Variants in PPARGC1A observed in about 807,000 individuals in gnomAD.
PPARGC1A encodes the protein peroxisome proliferator-activated receptor gamma coactivator 1-alpha.
A neutral mutation model predicts 88.7 loss-of-function variants in PPARGC1A; 25 were observed. That is an observed-to-expected ratio of 0.28 (90% CI 0.21 to 0.39). The LOEUF is 0.39. PPARGC1A is among the 10% of genes least tolerant of loss of function. The probability of loss-of-function intolerance (pLI) is 1.00; values close to 1 mark genes in which losing one functional copy is unlikely to be tolerated. For missense variants in PPARGC1A, 880 were observed against 968.7 expected, an observed-to-expected ratio of 0.91 and a Z score of 1.22; for synonymous variants, 363 against 355.6, an observed-to-expected ratio of 1.02 and a Z score of -0.24.
chr4:24,437,484 G>C, the PPARGC1A span, among the ~76,000 whole-genome samples: 1 of 152,188 alleles, frequency 6.6e-6, no homozygotes, highest in Non-Finnish European at 1.5e-5. Flanking sequence ...GCCGGACACA[G>C]TGACCCAGGT....
chr4:24,147,634 T>C, the PPARGC1A span, among the ~76,000 whole-genome samples: 7,546 of 152,068 alleles, frequency 0.05, 535 homozygotes, highest in African/African-American at 0.15. Context: ...GCCAATTAGC[T>C]CAAATTCTTC....
At chr4:24,151,568 G>A in the PPARGC1A span, among the ~76,000 whole-genome samples, 1 of 152,140 alleles carries the variant, frequency 6.6e-6, no homozygotes, top group African/African-American at 2.4e-5. Context: ...ATTACCAATT[G>A]AGAAAACATA....
Position 23,812,864 on chromosome 4 carries a change from A to G in PPARGC1A, c.1902T>C (p.Tyr634=), listed in dbSNP as rs1721188250. 2 of 1,613,806 alleles carry G rather than the reference A, an allele frequency of 1.2e-6. No homozygotes were observed. The highest frequency in any genetic ancestry group is 2.2e-5 in the South Asian group (2 of 91,078). The change falls in exon 10 of 13, where the codon TAT becomes TAC. Residue 634 remains tyrosine, a synonymous_variant. Transcript: ENST00000264867. ...CGTGCTGATATTCCTCGTAGCTGTC[A>G]TACCTGGGAAACATAACTTTATCAC... ...SRSPYSRRPR[Y]DSYEEYQHER... is the part of the protein sequence containing the mutation.
the PPARGC1A span, among the ~76,000 whole-genome samples, chr4:24,155,122 G>GT: frequency 0.024 from 3,372 of 140,856 alleles, 106 homozygotes; most frequent in African/African-American, 0.08. Context: ...CCTCGGTTTT[G>GT]TTTTTTTTTT....
the PPARGC1A span, among the ~76,000 whole-genome samples, chr4:24,117,046 T>TAAAA: frequency 2.5e-4 from 36 of 146,150 alleles, no homozygotes; most frequent in East Asian, 6.2e-3. Flanking sequence ...GTGAAGTTGG[T>TAAAA]AAAAAAAAAA....
chr4:24,151,746 C>T, the PPARGC1A span, among the ~76,000 whole-genome samples: 8 of 152,234 alleles, frequency 5.3e-5, no homozygotes, highest in Non-Finnish European at 8.8e-5. Context: ...CCATCCATGA[C>T]GGAAGGAGTG....
At chr4:23,816,324 CTGAA>C (rs1280080169) in intron 7 of PPARGC1A, among the ~76,000 whole-genome samples, 1 of 152,164 alleles carries the variant, frequency 6.6e-6, no homozygotes, top group African/African-American at 2.4e-5. Context: ...ACTTACATGA[CTGAA>C]TGAAACATCT....
chr4:24,471,702 A>G, the PPARGC1A span, among the ~76,000 whole-genome samples: 1 of 151,980 alleles, frequency 6.6e-6, no homozygotes, highest in Non-Finnish European at 1.5e-5. The surrounding 1 kb of genome is among the most constrained non-coding windows in gnomAD (Gnocchi z 5.4). Context: ...GGCGGCGTGG[A>G]GCGTCTAGGG....
At chr4:23,943,396 T>C in the PPARGC1A span, among the ~76,000 whole-genome samples, 6 of 151,908 alleles carry the variant, frequency 3.9e-5, no homozygotes, top group Admixed American at 3.9e-4. Context: ...TTTTTTTTTT[T>C]TTCTAAATAC....
chr4:24,472,777 CGTGTGTGTGCGTGT>C, the PPARGC1A span, among the ~76,000 whole-genome samples: 1 of 151,530 alleles, frequency 6.6e-6, no homozygotes, highest in African/African-American at 2.4e-5. This position sits in a 1 kb window ranked among gnomAD's most constrained non-coding sequence, Gnocchi z 4.5. Flanking sequence ...TGTGTGCGCG[CGTGTGTGTGCGTGT>C]GCGTGTGTGT....
the PPARGC1A span, among the ~76,000 whole-genome samples, chr4:24,276,602 C>T: frequency 1.3e-5 from 2 of 152,140 alleles, no homozygotes; most frequent in Non-Finnish European, 2.9e-5. Context: ...CTCTTTGCCC[C>T]CGAAATTATT....
the PPARGC1A span, among the ~76,000 whole-genome samples, chr4:24,310,102 A>T: frequency 5.9e-5 from 9 of 152,214 alleles, no homozygotes; most frequent in South Asian, 1.7e-3. Context: ...AATGCATTTT[A>T]GGCATCCTGT....
intron 7 of PPARGC1A, 127 bp downstream of exon 7, chr4:23,824,150 ACTT>A (rs2109597927): frequency 5.3e-6 from 4 of 750,138 alleles, no homozygotes; most frequent in Admixed American, 2.6e-5. Flanking sequence ...TTTGCAGATA[ACTT>A]CTTATCCAAT....
At chr4:24,069,002 G>C in the PPARGC1A span, among the ~76,000 whole-genome samples, 2 of 152,204 alleles carry the variant, frequency 1.3e-5, no homozygotes, top group Admixed American at 1.3e-4. Flanking sequence ...CTCCTGGCAA[G>C]GTGTTTGGTA....
At chr4:24,310,077 A>G in the PPARGC1A span, among the ~76,000 whole-genome samples, 1 of 152,188 alleles carries the variant, frequency 6.6e-6, no homozygotes, top group African/African-American at 2.4e-5. Context: ...GATATTTCGC[A>G]AAGAGAAATT....
At chr4:24,126,279 A>ACT in the PPARGC1A span, among the ~76,000 whole-genome samples, 1 of 151,784 alleles carries the variant, frequency 6.6e-6, no homozygotes, top group Non-Finnish European at 1.5e-5. Context: ...ACACACACAC[A>ACT]CACACACACA....
the PPARGC1A span, among the ~76,000 whole-genome samples, chr4:24,222,315 C>G: frequency 6.6e-6 from 1 of 152,314 alleles, no homozygotes; most frequent in African/African-American, 2.4e-5. Context: ...AGAAAACAGT[C>G]TCAAAGCCAG....
the PPARGC1A span, among the ~76,000 whole-genome samples, chr4:24,171,860 A>G: frequency 1.3e-5 from 2 of 152,172 alleles, no homozygotes; most frequent in South Asian, 4.1e-4. Context: ...AGTGACAATC[A>G]TGTCATGGGT....
chr4:24,025,972 A>C, the PPARGC1A span, among the ~76,000 whole-genome samples: 1 of 152,188 alleles, frequency 6.6e-6, no homozygotes, highest in Non-Finnish European at 1.5e-5. Flanking sequence ...GTGTTTGTAA[A>C]TGTGTGGTCC....
Sources: gnomAD v4.1 joint callset for allele counts (sites outside exome capture counted in the v4.1 genomes callset) on GRCh38, gnomAD v4.1.1 for gene constraint, Gnocchi (gnomAD v3.1) non-coding constraint, MANE v1.5 for transcripts, NCBI Gene and HGNC (gene_info 2026-07-23, HGNC 2026-07-21) for gene names.